TDP1: variants seen among roughly 807,000 people sequenced by gnomAD.
TDP1 encodes tyr-DNA phosphodiesterase 1.
In TDP1, 64 loss-of-function variants were observed where a neutral mutation model predicts 81.5. The observed-to-expected ratio is 0.79, with a 90% confidence interval of 0.64 to 0.97. The LOEUF (loss-of-function observed/expected upper bound fraction) is 0.97. TDP1 is among the 50% of genes least tolerant of loss of function. The probability of loss-of-function intolerance (pLI) is 0.00; values close to 1 mark genes in which losing one functional copy is unlikely to be tolerated. For missense variants in TDP1, 723 were observed against 743.8 expected, an observed-to-expected ratio of 0.97 and a Z score of 0.33; for synonymous variants, 256 against 264.3, an observed-to-expected ratio of 0.97 and a Z score of 0.30.
chr14:89,991,575 A>G, intron 12 of TDP1: 2 of 985,002 alleles, frequency 2.0e-6, no homozygotes, highest in Non-Finnish European at 2.4e-6. Flanking sequence ...GTGATTAGCG[A>G]GTTGTCATTA....
In TDP1 at chr14:90,007,779, T is replaced by G. The variant is rs551271246; in HGVS notation, c.1542-11537T>G. Among the ~76,000 whole-genome samples the G allele has an allele frequency of 2.6e-5, 4 of 152,228 alleles. No individual in the cohort carries two copies. In the East Asian group the frequency reaches 7.7e-4, roughly 29 times the overall value. On this transcript the variant is annotated intron_variant, in intron 14 of 16. Transcript: ENST00000335725. ...CACCACACCTGGCTAATTTTTTATTTTTTTTTAGAGATGGGGTCTCACTAT... is the reference window on the plus strand; with the variant it reads ...CACCACACCTGGCTAATTTTTTATTGTTTTTTAGAGATGGGGTCTCACTAT...
At chr14:89,976,380 A>G (rs1331991115) in intron 7 of TDP1, among the ~76,000 whole-genome samples, 1 of 152,112 alleles carries the variant, frequency 6.6e-6, no homozygotes, top group Non-Finnish European at 1.5e-5. Context: ...GATTACAGGC[A>G]TGAGCCCCTG....
intron 14 of TDP1, among the ~76,000 whole-genome samples, chr14:90,006,617 A>G (rs1038117779): frequency 6.6e-6 from 1 of 151,534 alleles, no homozygotes; most frequent in African/African-American, 2.4e-5. Flanking sequence ...GCTCACTGCA[A>G]CCTCCACCTC....
Position 89,993,394 on chromosome 14 carries a change from T to C in TDP1, c.1452T>C (p.Thr484=). The change falls in exon 14 of 17, where the codon ACT becomes ACC. Residue 484 remains threonine (T), a synonymous_variant. Coordinates refer to ENST00000335725, the MANE Select transcript of TDP1 (RefSeq NM_018319.4). ...TCACTAGCAAATGGTCAGCTGAGAC[T>C]TCTGGCCGCAGCAATGCCATGCCAC... ...HSYFHKWSAE[T]SGRSNAMPHI... The C allele has an allele frequency of 6.2e-7, 1 of 1,613,736 alleles. No individual in the cohort carries two copies. The highest frequency in any genetic ancestry group is 8.5e-7 in the Non-Finnish European group (1 of 1,179,708).
intron 14 of TDP1, among the ~76,000 whole-genome samples, chr14:89,996,083 C>G (rs747339033): frequency 7.0e-4 from 106 of 152,246 alleles, no homozygotes; most frequent in South Asian, 1.9e-3. Flanking sequence ...TTGCAATTAC[C>G]AGGTCAGAAA....
chr14:89,969,876 CT>C (rs5810477), intron 5 of TDP1, among the ~76,000 whole-genome samples: 5,649 of 122,870 alleles, frequency 0.046, 356 homozygotes, highest in African/African-American at 0.16. Context: ...ATACTTATTT[CT>C]TTTTTTTTTT....
chr14:89,990,162 A>T lies in TDP1; in HGVS notation c.1366+397A>T, dbSNP rs1227297640. Among the ~76,000 whole-genome samples the T allele has an allele frequency of 5.3e-5, 8 of 152,262 alleles. No homozygotes were observed. In the East Asian group the frequency reaches 1.4e-3, roughly 26 times the overall value. The stretch of plus-strand genomic sequence containing the variant: ...CATGTGGTCCTTTTAAATGCCTGCT[A>T]TAGATAACATTTAAGGTCCGGAATT... On this transcript the variant is annotated intron_variant, in intron 12 of 16. Coordinates refer to ENST00000335725, the MANE Select transcript of TDP1 (RefSeq NM_018319.4).
At chr14:89,975,710 C>T in intron 6 of TDP1, 71 bp from the exon 7 acceptor site, 1 of 1,335,080 alleles carries the variant, frequency 7.5e-7, no homozygotes, top group South Asian at 1.2e-5. Flanking sequence ...TGATTGCTTT[C>T]TAATGTAATT....
chr14:90,027,655 C>G (rs1046780300), intron 15 of TDP1, among the ~76,000 whole-genome samples: 3 of 152,030 alleles, frequency 2.0e-5, no homozygotes, highest in African/African-American at 7.2e-5. Context: ...TCTCTAGGAG[C>G]CAAAATGAGA....
Position 89,988,917 on chromosome 14 carries a change from C to T in TDP1, c.1144C>T (p.His382Tyr), listed in dbSNP as rs1895864837. 1 of 1,614,100 alleles carries T rather than the reference C, an allele frequency of 6.2e-7. No individual in the cohort carries two copies. The highest frequency in any genetic ancestry group is 8.5e-7 in the Non-Finnish European group (1 of 1,179,974). ...TATTCTTTCCCAGCTTCTGAAAGAC[C>T]ATGCCTCATCCATGCCTAACGCAGA... is the stretch of plus-strand genomic sequence containing the variant. ...HFRLKKLLKD[H>Y]ASSMPNAESW... The change falls in exon 11 of 17, where the codon CAT becomes TAT. Residue 382 changes from histidine to tyrosine, a missense_variant. Coordinates refer to ENST00000335725, the MANE Select transcript of TDP1 (RefSeq NM_018319.4).
At position 89,995,601 on chromosome 14, in the gene TDP1, TAAAGG is replaced by T. The variant is rs377519866; in HGVS notation, c.1541+2123_1541+2127del. ...ACCCACTCTCTCAGCCCTTCCATAA[TAAAGG>T]AAAGTATAGTTTCCAAATATAAATG... On this transcript the variant is annotated intron_variant, in intron 14 of 16. Transcript: ENST00000335725. Among the ~76,000 whole-genome samples, 71 of 152,358 alleles carry T rather than the reference TAAAGG, an allele frequency of 4.7e-4. No homozygotes were observed. In the East Asian group the frequency reaches 0.011, roughly 24 times the overall value.
chr14:89,957,347 C>T (rs957723976), intron 2 of TDP1, among the ~76,000 whole-genome samples: 7 of 152,082 alleles, frequency 4.6e-5, no homozygotes, highest in Non-Finnish European at 1.0e-4. Context: ...TAATAGCTGC[C>T]CAGTAAGTTA....
intron 5 of TDP1, 87 bp downstream of exon 5, chr14:89,967,509 C>G (rs1893087378): frequency 8.6e-7 from 1 of 1,164,444 alleles, no homozygotes; most frequent in Non-Finnish European, 1.3e-6. Context: ...GAAAGCCACT[C>G]ATCTTTTGAG....
chr14:89,967,258 T>C (rs1433464200), intron 4 of TDP1, 109 bp from the exon 5 acceptor site: 1 of 1,317,772 alleles, frequency 7.6e-7, no homozygotes, highest in Non-Finnish European at 1.1e-6. Context: ...ATACATGTAG[T>C]GTATCACTAT....
chr14:90,017,242 C>T (rs1237868835), intron 14 of TDP1, among the ~76,000 whole-genome samples: 3 of 152,182 alleles, frequency 2.0e-5, no homozygotes, highest in African/African-American at 7.2e-5. Flanking sequence ...TCCCCCCACC[C>T]TCCCTGCCTC....
chr14:89,998,381 TATATATATATA>T (rs1566890778), intron 14 of TDP1, among the ~76,000 whole-genome samples: 1 of 14,976 alleles, frequency 6.7e-5, no homozygotes, highest in Non-Finnish European at 1.4e-4. Context: ...ATTATATATA[TATATATATATA>T]TATATATATA....
At position 89,989,624 on chromosome 14, in the gene TDP1, T is replaced by C. The variant is rs1057009310; in HGVS notation, c.1318-93T>C. 5 of 1,207,226 alleles carry C rather than the reference T, an allele frequency of 4.1e-6. No homozygotes were observed. In the Admixed American group the frequency reaches 1.0e-4, roughly 25 times the overall value. 74.8% of individuals were successfully genotyped at this position (1,207,226 alleles called of 1,614,324 possible). A position where few individuals can be genotyped will look rare whatever the true frequency, so the allele number is the denominator to read the frequency against. ...GCATATTTTCTAATTTAAAAGTATT[T>C]TTAACAGATTTTCATTTCCTTAAAA... On this transcript the variant is annotated intron_variant, in intron 11 of 16. Transcript: ENST00000335725.
rs11848024 is a variant in TDP1, at chr14:89,980,488, A to G, written c.792-52A>G. 5.6e-3 allele frequency: 8,626 copies of G among 1,537,404 alleles called. 257 individuals carry two copies. In the African/African-American group the frequency reaches 0.078, roughly 14 times the overall value. On this transcript the variant is annotated intron_variant, in intron 7 of 16. Coordinates refer to ENST00000335725, the MANE Select transcript of TDP1 (RefSeq NM_018319.4). ...ATTACATTTGCATTGGAAAGGTATT[A>G]CATATTTTGAAAGTACTATTAATGC...
intron 13 of TDP1, 94 bp from the exon 14 acceptor site, chr14:89,993,282 A>G (rs1228453318): frequency 1.6e-6 from 2 of 1,283,854 alleles, no homozygotes; most frequent in African/African-American, 3.0e-5. Context: ...TGATTTTTAG[A>G]TAATAGGCTC....
Sources: gnomAD v4.1 joint callset for allele counts (sites outside exome capture counted in the v4.1 genomes callset) on GRCh38, gnomAD v4.1.1 for gene constraint, MANE v1.5 for transcripts, NCBI Gene and HGNC (gene_info 2026-07-23, HGNC 2026-07-21) for gene names.